The following GUCY1A2 variants were observed in gnomAD, a reference collection of about 807,000 sequenced individuals.
GUCY1A2 encodes the protein guanylate cyclase soluble subunit alpha-2.
A neutral mutation model predicts 63.5 loss-of-function variants in GUCY1A2; 27 were observed. The ratio of observed to expected loss-of-function variants is 0.43; its 90% CI spans 0.31 to 0.59. The LOEUF (loss-of-function observed/expected upper bound fraction) is 0.59, where lower values mean the gene tolerates loss of function less well. Ranked by LOEUF, GUCY1A2 falls within the 20% of genes least tolerant of loss-of-function variation. The pLI is 0.11. For synonymous variants in GUCY1A2, 364 were observed against 343.5 expected (o/e 1.06, Z -0.66); for missense variants, 768 against 913.3 (o/e 0.84, Z 2.05).
At chr11:106,911,754 C>T (rs1013072763) in intron 4 of GUCY1A2, among the ~76,000 whole-genome samples, 1 of 151,850 alleles carries the variant, frequency 6.6e-6, no homozygotes, top group African/African-American at 2.4e-5. Flanking sequence ...TTTTTAAAGT[C>T]CTTTTTAAAG....
At chr11:107,015,624 C>G (rs937374168) in intron 1 of GUCY1A2, among the ~76,000 whole-genome samples, 1 of 130,416 alleles carries the variant, frequency 7.7e-6, no homozygotes, top group African/African-American at 2.9e-5. Context: ...CAACAATTCT[C>G]CCCAAACTAA....
chr11:106,864,455 G>C (rs545414088), intron 4 of GUCY1A2, among the ~76,000 whole-genome samples: 175 of 152,108 alleles, frequency 1.2e-3, no homozygotes, highest in Non-Finnish European at 2.1e-3. Context: ...CCAATACTAT[G>C]TTGAATAGGA....
chr11:106,882,635 G>A (rs1189495579), intron 4 of GUCY1A2, among the ~76,000 whole-genome samples: 1 of 151,970 alleles, frequency 6.6e-6, no homozygotes, highest in Non-Finnish European at 1.5e-5. Flanking sequence ...GAAGCTATCT[G>A]GATATAGGGC....
chr11:106,744,589 A>C (rs1398358625), intron 6 of GUCY1A2, among the ~76,000 whole-genome samples: 2 of 152,200 alleles, frequency 1.3e-5, no homozygotes, highest in East Asian at 3.9e-4. Context: ...TATGAAAAGT[A>C]ATAAGCAGGA....
intron 4 of GUCY1A2, among the ~76,000 whole-genome samples, chr11:106,825,975 CTATT>C (rs762456768): frequency 8.5e-5 from 13 of 152,152 alleles, no homozygotes; most frequent in Admixed American, 2.0e-4. Context: ...TGCTACATCT[CTATT>C]TAAAGTAAAA....
chr11:106,859,484 A>G (rs536243587), intron 4 of GUCY1A2, among the ~76,000 whole-genome samples: 16 of 152,166 alleles, frequency 1.1e-4, no homozygotes, highest in Admixed American at 9.8e-4. Flanking sequence ...AATAGATTTA[A>G]TTAATTGACT....
At chr11:106,922,717 G>C (rs894984899) in intron 4 of GUCY1A2, among the ~76,000 whole-genome samples, 1 of 92,602 alleles carries the variant, frequency 1.1e-5, no homozygotes, top group African/African-American at 4.6e-5. Context: ...ATATATATAT[G>C]TACTCACAAT....
intron 6 of GUCY1A2, among the ~76,000 whole-genome samples, chr11:106,713,565 G>A (rs1218516813): frequency 7.2e-6 from 1 of 138,620 alleles, no homozygotes. Context: ...GGAGTGCAGT[G>A]GCGCGATCTC....
chr11:106,878,798 A>AAG (rs1370297216), intron 4 of GUCY1A2, among the ~76,000 whole-genome samples: 1 of 151,294 alleles, frequency 6.6e-6, no homozygotes, highest in Non-Finnish European at 1.5e-5. Context: ...AAAAAAAAAA[A>AAG]AAGAAGAAGT....
At chr11:106,814,428 A>G (rs568452588) in intron 4 of GUCY1A2, among the ~76,000 whole-genome samples, 10 of 152,214 alleles carry the variant, frequency 6.6e-5, no homozygotes, top group Admixed American at 6.6e-5. Context: ...GACAGTGCCC[A>G]GTCTGAGAAG....
chr11:106,735,950 G>A (rs1384892474), intron 6 of GUCY1A2, among the ~76,000 whole-genome samples: 1 of 152,000 alleles, frequency 6.6e-6, no homozygotes, highest in African/African-American at 2.4e-5. Flanking sequence ...TGTCTATTCA[G>A]ATCTTTTACT....
In GUCY1A2 at chr11:106,677,740, C is replaced by T. The variant is rs576287490; in HGVS notation, c.*9809G>A. On this transcript the variant is annotated 3_prime_UTR_variant, in exon 8 of 8. Transcript: ENST00000526355. ...TAGGTTAACAGGATTAGACAACAGA[C>T]CTAATTTTGATGTAAGCAAAGTCTG... 8.3e-4 allele frequency: 175 copies of T among 210,300 alleles called. No homozygotes were observed. Among genetic ancestry groups the T allele is most frequent in the Non-Finnish European group, 8.7e-4 (90 of 103,392 alleles). The allele number at this position is 210,300 out of a possible 1,614,324, so 13.0% of individuals were successfully genotyped here. A position where few individuals can be genotyped will look rare whatever the true frequency, so the allele number is the denominator to read the frequency against.
chr11:106,707,003 A>AATG (rs1308209252), intron 7 of GUCY1A2, among the ~76,000 whole-genome samples: 1 of 152,152 alleles, frequency 6.6e-6, no homozygotes, highest in African/African-American at 2.4e-5. Flanking sequence ...TTAGATAAGT[A>AATG]ATGATTAGAT....
intron 6 of GUCY1A2, among the ~76,000 whole-genome samples, chr11:106,737,500 C>A (rs923446323): frequency 1.3e-5 from 2 of 152,080 alleles, no homozygotes; most frequent in Non-Finnish European, 2.9e-5. Flanking sequence ...CTGCACCCAT[C>A]AACCCATCAT....
chr11:106,986,189 T>G (rs1861398897), intron 1 of GUCY1A2, 58 bp from the exon 2 acceptor site: 2 of 858,904 alleles, frequency 2.3e-6, no homozygotes, highest in East Asian at 5.1e-5. Context: ...CCATTCCCAC[T>G]GTGAGTATCG....
In GUCY1A2 at chr11:106,827,339, C is replaced by T. The variant is rs1232901245; in HGVS notation, c.1207-16861G>A. The T allele has an allele frequency of 1.5e-5, 24 of 1,558,788 alleles. No individual in the cohort carries two copies. In the East Asian group the frequency reaches 4.0e-4, roughly 26 times the overall value. On this transcript the variant is annotated intron_variant, in intron 4 of 7. Coordinates refer to ENST00000526355, the MANE Select transcript of GUCY1A2 (RefSeq NM_000855.3). ...GTCAAGAATTCAGCTGCTCCTGCAT[C>T]GAAGAAAGTATTCCCTATAGCTTTA...
intron 6 of GUCY1A2, among the ~76,000 whole-genome samples, chr11:106,740,760 G>A (rs187831597): frequency 3.4e-4 from 51 of 150,430 alleles, no homozygotes; most frequent in Admixed American, 8.0e-4. Flanking sequence ...TGCAACCTCC[G>A]CCTCCTGGGT....
intron 4 of GUCY1A2, among the ~76,000 whole-genome samples, chr11:106,815,259 GA>G (rs1433496852): frequency 2.6e-5 from 4 of 151,762 alleles, no homozygotes; most frequent in African/African-American, 7.3e-5. Flanking sequence ...AAAATAGGCT[GA>G]AAAAAAGTTT....
chr11:106,725,920 G>T (rs998587968), intron 6 of GUCY1A2, among the ~76,000 whole-genome samples: 1 of 151,766 alleles, frequency 6.6e-6, no homozygotes, highest in Non-Finnish European at 1.5e-5. Flanking sequence ...GCAGTACTCT[G>T]GGGGCAGGGA....
Sources: gnomAD v4.1 joint callset for allele counts (sites outside exome capture counted in the v4.1 genomes callset) on GRCh38, gnomAD v4.1.1 for gene constraint, MANE v1.5 for transcripts, NCBI Gene and HGNC (gene_info 2026-07-23, HGNC 2026-07-21) for gene names.